The following EFR3A variants were observed in gnomAD, a reference collection of about 807,000 sequenced individuals.
EFR3A encodes the protein EFR3 homolog A.
Under a neutral mutation model 104.4 loss-of-function variants are expected in EFR3A, and 76 were observed. That is an observed-to-expected ratio of 0.73 (90% confidence interval 0.60 to 0.88). The LOEUF (loss-of-function observed/expected upper bound fraction) is 0.88. Ranked by LOEUF, EFR3A falls within the 40% of genes least tolerant of loss-of-function variation. The pLI, the probability that EFR3A is intolerant of heterozygous loss-of-function variation, is 0.00. For synonymous variants in EFR3A, 330 were observed against 330.0 expected (o/e 1.00, Z 0.00); for missense variants, 985 against 1,012.5 (o/e 0.97, Z 0.37).
chr8:131,944,048 ACTGT>A (rs1818302551), intron 2 of EFR3A, among the ~76,000 whole-genome samples: 1 of 152,086 alleles, frequency 6.6e-6, no homozygotes, highest in South Asian at 2.1e-4. Context: ...TTGCAGATTC[ACTGT>A]CTAACATAGT....
At chr8:131,961,116 CAG>C (rs1819296185) in intron 8 of EFR3A, among the ~76,000 whole-genome samples, 1 of 152,158 alleles carries the variant, frequency 6.6e-6, no homozygotes, top group Admixed American at 6.5e-5. Flanking sequence ...TGGGGAAAAA[CAG>C]AGCAGAAAAA....
At position 131,978,894 on chromosome 8, in the gene EFR3A, G is replaced by T. The variant is rs779672185; in HGVS notation, c.1374G>T (p.Gly458=). The stretch of plus-strand genomic sequence containing the variant: ...AGACGATTGTTACTGCACTGCCAGG[G>T]TCTTTCCTGGATCCTTTGTTATCAC... The part of the protein sequence containing the change: ...KAKTIVTALP[G]SFLDPLLSPS... Residue 458 remains glycine (G), a synonymous_variant, in exon 13 of 23, where the codon GGG becomes GGT. Coordinates refer to ENST00000254624, the MANE Select transcript of EFR3A (RefSeq NM_015137.6). The T allele has an allele frequency of 1.2e-6, 2 of 1,611,954 alleles. No individual in the cohort carries two copies. The highest frequency in any genetic ancestry group is 1.7e-6 in the Non-Finnish European group (2 of 1,178,820).
At chr8:131,980,068 T>C (rs1056810435) in intron 14 of EFR3A, among the ~76,000 whole-genome samples, 7 of 152,130 alleles carry the variant, frequency 4.6e-5, no homozygotes, top group Non-Finnish European at 2.9e-5. Flanking sequence ...TATTAAGAGA[T>C]ACGATAACCA....
Position 131,979,017 on chromosome 8 carries a change from C to A in EFR3A, c.1497C>A (p.Ile499=), listed in dbSNP as rs141932899. ...RHDNRAKLRG[I]RIIPDVADLK... The stretch of plus-strand genomic sequence containing the variant: ...ACAATAGGGCAAAGCTTCGAGGGAT[C>A]AGGTAATGTGCCATTTTGAAATGGA... Residue 499 remains isoleucine (I), a splice_region_variant and synonymous_variant, in exon 13 of 23, where the codon ATC becomes ATA. Transcript: ENST00000254624. 3.7e-6 allele frequency: 6 copies of A among 1,603,544 alleles called. No homozygotes were observed. In the East Asian group the frequency reaches 1.1e-4, roughly 30 times the overall value.
chr8:131,957,091 T>C (rs1021235053), intron 7 of EFR3A, among the ~76,000 whole-genome samples: 5 of 152,144 alleles, frequency 3.3e-5, no homozygotes, highest in Non-Finnish European at 7.3e-5. Context: ...TTTCTGATCA[T>C]GTATTAGTTA....
In EFR3A at chr8:131,983,851, T is replaced by G; in HGVS notation, c.1576-288T>G. ...CAAGTCAATCCATAATTTGCTTTTG[T>G]TTTTTCAAATTACTATTAAAAAACA... On this transcript the variant is annotated intron_variant, in intron 14 of 22. Coordinates refer to ENST00000254624, the MANE Select transcript of EFR3A (RefSeq NM_015137.6). 1.3e-5 allele frequency among the ~76,000 whole-genome samples: 2 copies of G among 152,208 alleles called. 1 individual carries two copies. Among genetic ancestry groups the G allele is most frequent in the Admixed American group, 1.3e-4 (2 of 15,278 alleles).
chr8:131,974,133 C>A (rs1234052811), intron 10 of EFR3A, among the ~76,000 whole-genome samples: 2 of 152,116 alleles, frequency 1.3e-5, no homozygotes, highest in East Asian at 3.9e-4. Flanking sequence ...TGCTTGGACT[C>A]CCACCCCCAG....
At chr8:131,965,582 G>C (rs555790536) in intron 8 of EFR3A, among the ~76,000 whole-genome samples, 1 of 152,312 alleles carries the variant, frequency 6.6e-6, no homozygotes, top group Non-Finnish European at 1.5e-5. Context: ...AGAGGATGTA[G>C]AGAAATAGGC....
chr8:131,940,344 C>A (rs1818102550), intron 1 of EFR3A, 155 bp from the exon 2 acceptor site: 1 of 761,730 alleles, frequency 1.3e-6, no homozygotes, highest in Non-Finnish European at 2.0e-6. Context: ...TTAACTTTGT[C>A]TTTTCTTAAT....
chr8:132,007,924 C>G (rs536622685), intron 22 of EFR3A, among the ~76,000 whole-genome samples: 2 of 151,940 alleles, frequency 1.3e-5, no homozygotes, highest in African/African-American at 4.8e-5. Flanking sequence ...CAATCCCTAC[C>G]TTCCACCAAA....
intron 7 of EFR3A, among the ~76,000 whole-genome samples, chr8:131,958,019 AAAG>A (rs1819111125): frequency 6.6e-6 from 1 of 152,284 alleles, no homozygotes; most frequent in African/African-American, 2.4e-5. Context: ...TCCCTTTGAG[AAAG>A]TTAATCAGAT....
intron 22 of EFR3A, among the ~76,000 whole-genome samples, chr8:132,010,405 GAGATATATATATATATAT>G (rs1300094033): frequency 0.015 from 1,362 of 87,990 alleles, 48 homozygotes; most frequent in African/African-American, 0.046. Flanking sequence ...AATCAAGTAT[GAGATATATATATATATAT>G]ATATATATAT....
chr8:131,970,892 ACT>A lies in EFR3A; in HGVS notation c.1159+254_1159+255del, dbSNP rs1284012858. On this transcript the variant is annotated intron_variant, in intron 10 of 22. Coordinates refer to ENST00000254624, the MANE Select transcript of EFR3A (RefSeq NM_015137.6). ...GGCATTTACTTCTTCATTTGCTTTT[ACT>A]CTCTTTTTCCTGCATCTCTTCCTCC... Among the ~76,000 whole-genome samples the A allele has an allele frequency of 2.6e-5, 4 of 151,810 alleles. No homozygotes were observed. In the East Asian group the frequency reaches 5.8e-4, roughly 22 times the overall value.
intron 22 of EFR3A, among the ~76,000 whole-genome samples, chr8:132,010,322 T>G (rs150363612): frequency 1.3e-5 from 2 of 149,544 alleles, no homozygotes; most frequent in African/African-American, 4.9e-5. Flanking sequence ...TATGTATGTA[T>G]AAGAACAGAC....
At chr8:131,928,078 C>T (rs1382386204) in intron 1 of EFR3A, among the ~76,000 whole-genome samples, 5 of 152,136 alleles carry the variant, frequency 3.3e-5, no homozygotes, top group Non-Finnish European at 7.4e-5. Flanking sequence ...AGTTTGGGAA[C>T]TTCTTGAAGA....
Position 131,953,821 on chromosome 8 carries a change from A to C in EFR3A, c.492A>C (p.Ile164=), listed in dbSNP as rs1188715794. The change falls in exon 6 of 23, where the codon ATA becomes ATC. Residue 164 remains isoleucine, a synonymous_variant. Coordinates refer to ENST00000254624, the MANE Select transcript of EFR3A (RefSeq NM_015137.6). ...TCCTTTTTTTTTTTTTTTATAGGAT[A>C]CGAATTGCTGGAATTAGAGGTATTC... ...CHSDPEIRTE[I]RIAGIRGIQG... 5.3e-6 allele frequency: 8 copies of C among 1,505,848 alleles called. No homozygotes were observed. In the Admixed American group the frequency reaches 1.9e-4, roughly 36 times the overall value. 93.3% of individuals were successfully genotyped at this position (1,505,848 alleles called of 1,614,324 possible). A position where few individuals can be genotyped will look rare whatever the true frequency, so the allele number is the denominator to read the frequency against.
intron 1 of EFR3A, 162 bp from the exon 2 acceptor site, chr8:131,940,337 A>G: frequency 2.7e-6 from 2 of 730,722 alleles, no homozygotes; most frequent in Non-Finnish European, 4.3e-6. Context: ...AAGAAATTTA[A>G]CTTTGTCTTT....
intron 4 of EFR3A, among the ~76,000 whole-genome samples, chr8:131,948,114 A>C (rs974466630): frequency 1.3e-5 from 2 of 152,090 alleles, no homozygotes; most frequent in African/African-American, 4.8e-5. Context: ...GTTTCCATTC[A>C]GAGTTTTAAT....
intron 10 of EFR3A, among the ~76,000 whole-genome samples, chr8:131,975,583 A>G (rs971564492): frequency 1.3e-4 from 19 of 151,654 alleles, no homozygotes; most frequent in Non-Finnish European, 1.6e-4. Context: ...CGCCCAGCTA[A>G]TTTTGTATTT....
Sources: gnomAD v4.1 joint callset for allele counts (sites outside exome capture counted in the v4.1 genomes callset) on GRCh38, gnomAD v4.1.1 for gene constraint, MANE v1.5 for transcripts, NCBI Gene and HGNC (gene_info 2026-07-23, HGNC 2026-07-21) for gene names.